The following DNAH8 variants were observed in gnomAD, a reference collection of about 807,000 sequenced individuals.
DNAH8 encodes the protein axonemal beta dynein heavy chain 8.
A neutral mutation model predicts 562.1 loss-of-function variants in DNAH8; 382 were observed. The observed-to-expected ratio is 0.68, with a 90% CI of 0.63 to 0.74. The LOEUF is 0.74. DNAH8 is among the 30% of genes least tolerant of loss of function. The pLI is 0.00. For synonymous variants in DNAH8, 1,881 were observed against 1,919.4 expected (o/e 0.98, Z 0.52); for missense variants, 5,203 against 5,620.4 (o/e 0.93, Z 2.37).
intron 53 of DNAH8, among the ~76,000 whole-genome samples, chr6:38,880,885 G>C (rs567754393): frequency 4.6e-5 from 7 of 152,150 alleles, no homozygotes; most frequent in Admixed American, 2.6e-4. Context: ...AAAATCAGCT[G>C]TGCGTGGTGG....
intron 30 of DNAH8, among the ~76,000 whole-genome samples, chr6:38,829,945 C>T (rs1189846923): frequency 2.0e-5 from 3 of 152,142 alleles, no homozygotes; most frequent in Non-Finnish European, 4.4e-5. Context: ...GTTCACTCTG[C>T]TGATTGTGTC....
chr6:38,823,433 C>T (rs1038662097), intron 27 of DNAH8, 129 bp from the exon 28 acceptor site: 3 of 682,200 alleles, frequency 4.4e-6, no homozygotes, highest in African/African-American at 1.8e-5. Context: ...CACCCTATTT[C>T]TTACCCAGCC....
At chr6:38,902,540 T>A (rs1263415739) in intron 62 of DNAH8, among the ~76,000 whole-genome samples, 1 of 152,164 alleles carries the variant, frequency 6.6e-6, no homozygotes, top group Non-Finnish European at 1.5e-5. Context: ...TTCCCATCAC[T>A]CCTTTTGCCT....
chr6:39,027,306 C>T (rs544305229), intron 92 of DNAH8, among the ~76,000 whole-genome samples: 1 of 152,170 alleles, frequency 6.6e-6, no homozygotes, highest in Non-Finnish European at 1.5e-5. Flanking sequence ...ACAGATTCTA[C>T]TGTAGGCAGC....
At chr6:38,956,455 A>G (rs1194786218) in intron 82 of DNAH8, among the ~76,000 whole-genome samples, 1 of 152,140 alleles carries the variant, frequency 6.6e-6, no homozygotes, top group African/African-American at 2.4e-5. Context: ...GCTGGGAGAC[A>G]CACTCCCATC....
chr6:38,883,877 G>T lies in DNAH8; in HGVS notation c.8138G>T (p.Arg2713Ile). Residue 2713 changes from arginine to isoleucine, a missense_variant and splice_region_variant, in exon 56 of 93, where the codon AGA (arginine) becomes ATA (isoleucine). Around this residue, in one of 6 missense-constraint regions of DNAH8, gnomAD observed 977 missense variants for 1,061.8 expected, o/e 0.92. Coordinates refer to ENST00000327475, the MANE Select transcript of DNAH8 (RefSeq NM_001206927.2). ...SSATEPMMFQ[R>I]TIESYVDKRI... ...GACAAAACGTTTCCTTCTCTCTAGA[G>T]AACAATTGAAAGCTACGTGGATAAG... 2 of 1,574,658 alleles carry T rather than the reference G, an allele frequency of 1.3e-6. No individual in the cohort carries two copies. Among genetic ancestry groups the T allele is most frequent in the South Asian group, 1.2e-5 (1 of 83,500 alleles).
chr6:38,819,982 A>C (rs1199593819), intron 26 of DNAH8, among the ~76,000 whole-genome samples: 1 of 152,222 alleles, frequency 6.6e-6, no homozygotes, highest in East Asian at 1.9e-4. Flanking sequence ...AGTCCACATC[A>C]TGAAGAAGTC....
In DNAH8 at chr6:38,850,337, T is replaced by C. The variant is rs748684504; in HGVS notation, c.5286T>C (p.Cys1762=). 3.1e-6 allele frequency: 5 copies of C among 1,613,622 alleles called. No homozygotes were observed. Among genetic ancestry groups the C allele is most frequent in the Non-Finnish European group, 3.4e-6 (4 of 1,179,680 alleles). The change falls in exon 38 of 93, where the codon TGT becomes TGC. Residue 1762 remains cysteine (C), a synonymous_variant. Coordinates refer to ENST00000327475, the MANE Select transcript of DNAH8 (RefSeq NM_001206927.2). ...AGAATCCCAATGTGATTAATTGCTG[T>C]GTTGGAGATGAAACCATGGGACAAC... is the stretch of plus-strand genomic sequence containing the variant. ...AHENPNVINC[C]VGDETMGQLL...
chr6:38,835,607 G>A (rs777419396), intron 32 of DNAH8, among the ~76,000 whole-genome samples: 1 of 152,162 alleles, frequency 6.6e-6, no homozygotes, highest in Non-Finnish European at 1.5e-5. Flanking sequence ...GAAAAAGAAA[G>A]TTAGGCAGAA....
chr6:38,881,483 T>G (rs1778475197), intron 53 of DNAH8, among the ~76,000 whole-genome samples: 1 of 151,978 alleles, frequency 6.6e-6, no homozygotes, highest in African/African-American at 2.4e-5. Flanking sequence ...ACAGCAATGG[T>G]ACAGTACCAC....
At chr6:38,811,618 A>G (rs751717276) in intron 24 of DNAH8, among the ~76,000 whole-genome samples, 1 of 152,148 alleles carries the variant, frequency 6.6e-6, no homozygotes, top group Non-Finnish European at 1.5e-5. Context: ...TATATCACTG[A>G]ACATTTTCCC....
At chr6:38,981,790 G>A (rs557903897) in intron 85 of DNAH8, among the ~76,000 whole-genome samples, 25 of 152,216 alleles carry the variant, frequency 1.6e-4, no homozygotes, top group African/African-American at 5.5e-4. Flanking sequence ...TAAAACCCAA[G>A]AACTCCAACT....
At chr6:39,000,948 A>G (rs1765442194) in intron 88 of DNAH8, among the ~76,000 whole-genome samples, 1 of 152,114 alleles carries the variant, frequency 6.6e-6, no homozygotes, top group African/African-American at 2.4e-5. Flanking sequence ...ACAGAGTACA[A>G]AGAAGAGGAA....
chr6:38,900,870 G>A (rs1049621174), intron 62 of DNAH8, among the ~76,000 whole-genome samples: 1 of 152,134 alleles, frequency 6.6e-6, no homozygotes, highest in Non-Finnish European at 1.5e-5. Context: ...ACCCGCGTCG[G>A]CCTCCCAAAA....
intron 62 of DNAH8, among the ~76,000 whole-genome samples, chr6:38,902,394 G>A (rs1030327539): frequency 6.6e-6 from 1 of 152,106 alleles, no homozygotes; most frequent in Non-Finnish European, 1.5e-5. Flanking sequence ...AATCACCCCA[G>A]GGCCACATAC....
chr6:38,811,698 C>T (rs1413435081), intron 24 of DNAH8, among the ~76,000 whole-genome samples: 5 of 152,162 alleles, frequency 3.3e-5, no homozygotes, highest in South Asian at 2.1e-4. Context: ...TTTTGGATTT[C>T]GTTAGCTCTC....
At position 38,875,689 on chromosome 6, in the gene DNAH8, G is replaced by T. The variant is rs1248716479; in HGVS notation, c.7719G>T (p.Trp2573Cys). 2 of 1,613,868 alleles carry T rather than the reference G, an allele frequency of 1.2e-6. No individual in the cohort carries two copies. The highest frequency in any genetic ancestry group is 2.2e-5 in the South Asian group (2 of 91,068). The change falls in exon 53 of 93, where the codon TGG becomes TGT. Residue 2573 changes from tryptophan to cysteine, a missense_variant. By Grantham distance (215) the Trp-to-Cys change is radical. This residue lies in a region of DNAH8 where 977 missense variants were observed against 1,061.8 expected (regional missense o/e 0.92). Transcript: ENST00000327475. ...LHKLFVFGLMWSLGALLELES... is the reference protein window; with the variant it reads ...LHKLFVFGLMCSLGALLELES... The stretch of plus-strand genomic sequence containing the variant: ...AATTATTTGTGTTTGGCCTAATGTG[G>T]AGTTTAGGAGCCCTTCTGGAATTAG...
At chr6:38,770,769 G>A (rs1334277044) in intron 12 of DNAH8, among the ~76,000 whole-genome samples, 3 of 152,012 alleles carry the variant, frequency 2.0e-5, no homozygotes, top group African/African-American at 7.2e-5. Flanking sequence ...CAAACGCTAT[G>A]GTCAACTTTC....
chr6:38,886,735 T>C, intron 56 of DNAH8, 56 bp from the exon 57 acceptor site: 1 of 1,290,490 alleles, frequency 7.7e-7, no homozygotes, highest in Non-Finnish European at 1.1e-6. Flanking sequence ...TTTATTGAAG[T>C]TATGGAGGAA....
Sources: allele counts gnomAD v4.1 joint callset (sites outside exome capture counted in the v4.1 genomes callset), GRCh38; gene constraint gnomAD v4.1.1; regional missense constraint gnomAD v4.1.1; transcripts MANE v1.5; gene names NCBI Gene and HGNC (gene_info 2026-07-23, HGNC 2026-07-21).